Variants in MYOM2 observed in about 807,000 individuals in gnomAD.
MYOM2 encodes myomesin 2.
In MYOM2, 254 loss-of-function variants were observed where a neutral mutation model predicts 187.6. The observed-to-expected ratio is 1.35, with a 90% CI of 1.22 to 1.50. The LOEUF (loss-of-function observed/expected upper bound fraction) is 1.50, where lower values mean the gene tolerates loss of function less well. Among genes scored for constraint, MYOM2 ranks in the 40% most tolerant of loss-of-function variants. MYOM2 has a pLI of 0.00. For synonymous variants in MYOM2, 981 were observed against 753.8 expected (o/e 1.30, Z -4.94); for missense variants, 2,796 against 1,924.0 (o/e 1.45, Z -8.48).
chr8:2,144,554 G>T, intron 36 of MYOM2, 110 bp from the exon 37 acceptor site: 1 of 1,120,286 alleles, frequency 8.9e-7, no homozygotes. Context: ...ACAAACGATT[G>T]AAGGACCAAT....
chr8:2,070,032 T>C (rs1284193203), intron 8 of MYOM2, among the ~76,000 whole-genome samples: 1 of 152,188 alleles, frequency 6.6e-6, no homozygotes, highest in Non-Finnish European at 1.5e-5. Flanking sequence ...GGACCTGCCC[T>C]GGCCCTGTAA....
At chr8:2,127,346 T>A (rs1391387385) in intron 31 of MYOM2, among the ~76,000 whole-genome samples, 1 of 151,064 alleles carries the variant, frequency 6.6e-6, no homozygotes, top group Admixed American at 6.7e-5. Flanking sequence ...CCGGCCCAGA[T>A]GCAGGGACCC....
intron 18 of MYOM2, 56 bp from the exon 19 acceptor site, chr8:2,098,801 A>C: frequency 6.5e-7 from 1 of 1,531,860 alleles, no homozygotes; most frequent in Non-Finnish European, 8.9e-7. Flanking sequence ...CCTCCCCCTC[A>C]GTGGGCTGTA....
rs748149917 is a variant in MYOM2, at chr8:2,101,040, A to G, written c.2605A>G (p.Ser869Gly). Residue 869 changes from serine (S) to glycine (G), a missense_variant, in exon 20 of 37, where the codon AGC becomes GGC. Coordinates refer to ENST00000262113, the MANE Select transcript of MYOM2 (RefSeq NM_003970.4). Reference protein sequence around the residue: ...WITVNQTTTASRYLKVSDLQQ... With the variant: ...WITVNQTTTAGRYLKVSDLQQ... ...CACTGTCAATCAGACGACAACAGCC[A>G]GCCGTTATTTAAAGGTAAGTCTTGG... 1 of 1,614,150 alleles carries G rather than the reference A, an allele frequency of 6.2e-7. No individual in the cohort carries two copies. Among genetic ancestry groups the G allele is most frequent in the South Asian group, 1.1e-5 (1 of 91,080 alleles).
intron 31 of MYOM2, among the ~76,000 whole-genome samples, chr8:2,126,265 G>A (rs1797631017): frequency 6.6e-6 from 1 of 152,180 alleles, no homozygotes; most frequent in South Asian, 2.1e-4. Flanking sequence ...TCAATAGGGA[G>A]CCTTTATTCT....
chr8:2,137,876 A>T (rs1051680055), intron 32 of MYOM2, among the ~76,000 whole-genome samples: 6 of 152,212 alleles, frequency 3.9e-5, no homozygotes, highest in African/African-American at 1.4e-4. Context: ...ATGTCCCTAC[A>T]GTGTGTCAGT....
intron 3 of MYOM2, among the ~76,000 whole-genome samples, chr8:2,055,013 A>AACCAAGTACCTGGATACTGGGGGG (rs1818612888): frequency 9.3e-5 from 3 of 32,336 alleles, no homozygotes; most frequent in South Asian, 4.7e-3. Context: ...GATACTGGGG[A>AACCAAGTACCTGGATACTGGGGGG]ACCAAGTACC....
At position 2,057,449 on chromosome 8, in the gene MYOM2, C is replaced by A. The variant is rs1033302890; in HGVS notation, c.365C>A (p.Ala122Asp). 1 of 1,614,034 alleles carries A rather than the reference C, an allele frequency of 6.2e-7. No homozygotes were observed. ...EEDVHLARSQ[A>D]RDKLDKYAIQ... The stretch of plus-strand genomic sequence containing the variant: ...GATGTCCACCTGGCACGCTCCCAGG[C>A]CCGCGACAAGCTGGACAAATACGCC... Residue 122 changes from alanine (A) to aspartate (D), a missense_variant, in exon 4 of 37, where the codon GCC becomes GAC. Ala to Asp is a moderately radical substitution (Grantham distance 126). Transcript: ENST00000262113.
chr8:2,054,033 G>C (rs911563505), intron 3 of MYOM2, among the ~76,000 whole-genome samples: 1 of 152,158 alleles, frequency 6.6e-6, no homozygotes, highest in African/African-American at 2.4e-5. Flanking sequence ...AGGGATGAGT[G>C]AGCCCCGTGC....
intron 8 of MYOM2, among the ~76,000 whole-genome samples, chr8:2,070,495 C>T (rs931537955): frequency 1.3e-5 from 2 of 152,098 alleles, no homozygotes; most frequent in African/African-American, 4.8e-5. Flanking sequence ...CTGGGGAGCC[C>T]GGGAGATCTG....
Position 2,069,060 on chromosome 8 carries a change from C to G in MYOM2, c.654-218C>G, listed in dbSNP as rs1039345364. Among the ~76,000 whole-genome samples, 18 of 152,334 alleles carry G rather than the reference C, an allele frequency of 1.2e-4. 1 individual carries two copies. In the South Asian group the frequency reaches 3.5e-3, roughly 30 times the overall value. ...TTTTATTCTTAAGGCCGAAACTGCA[C>G]CATCTTCTGGGATCAGGCCTTCATC... On this transcript the variant is annotated intron_variant, in intron 6 of 36. Transcript: ENST00000262113.
chr8:2,122,475 G>T (rs955830471), intron 28 of MYOM2, among the ~76,000 whole-genome samples: 1 of 152,224 alleles, frequency 6.6e-6, no homozygotes, highest in African/African-American at 2.4e-5. Flanking sequence ...TAGCGGATGT[G>T]GAAATTCTAA....
intron 12 of MYOM2, among the ~76,000 whole-genome samples, 173 bp downstream of exon 12, chr8:2,079,106 G>A (rs1269367697): frequency 6.6e-6 from 1 of 152,168 alleles, no homozygotes; most frequent in African/African-American, 2.4e-5. Flanking sequence ...CATCACTACA[G>A]GAATGAAAAC....
At chr8:2,091,844 C>T (rs188259100) in intron 15 of MYOM2, among the ~76,000 whole-genome samples, 5 of 152,236 alleles carry the variant, frequency 3.3e-5, no homozygotes, top group African/African-American at 7.2e-5. Context: ...CACAGGTGGC[C>T]CCAAGGCCTT....
At chr8:2,143,486 G>A in intron 36 of MYOM2, 30 bp downstream of exon 36, 1 of 1,613,912 alleles carries the variant, frequency 6.2e-7, no homozygotes, top group Non-Finnish European at 8.5e-7. Flanking sequence ...CCGGGGTGGG[G>A]GTGTCAGCAC....
intron 32 of MYOM2, among the ~76,000 whole-genome samples, chr8:2,135,340 A>G (rs1213652275): frequency 6.6e-6 from 1 of 152,160 alleles, no homozygotes; most frequent in East Asian, 1.9e-4. Flanking sequence ...GTGGTAAGCA[A>G]TTCATTTGCA....
In MYOM2 at chr8:2,052,188, G is replaced by A; in HGVS notation, c.138G>A (p.Lys46=). The part of the protein sequence containing the change: ...KRASTQASSQ[K]SLSQRSSSQR... Reference sequence around the variant, plus strand: ...CTTCCACCCAGGCATCTTCCCAGAAGTCCTTGAGTCAGCGGTCGTCTTCAC... The same window carrying A: ...CTTCCACCCAGGCATCTTCCCAGAAATCCTTGAGTCAGCGGTCGTCTTCAC... Residue 46 remains lysine (K), a synonymous_variant, in exon 3 of 37, where the codon AAG becomes AAA. Coordinates refer to ENST00000262113, the MANE Select transcript of MYOM2 (RefSeq NM_003970.4). 1 of 1,613,656 alleles carries A rather than the reference G, an allele frequency of 6.2e-7. No homozygotes were observed. Among genetic ancestry groups the A allele is most frequent in the Non-Finnish European group, 8.5e-7 (1 of 1,179,810 alleles).
chr8:2,108,864 C>T, intron 24 of MYOM2, 34 bp downstream of exon 24: 1 of 1,609,348 alleles, frequency 6.2e-7, no homozygotes, highest in Non-Finnish European at 8.5e-7. Context: ...CCTCTGCTTG[C>T]AGCTGCTGGC....
intron 28 of MYOM2, among the ~76,000 whole-genome samples, chr8:2,122,218 C>T (rs1203499329): frequency 2.0e-5 from 3 of 152,182 alleles, no homozygotes; most frequent in Non-Finnish European, 4.4e-5. Flanking sequence ...CTGCTAGAGT[C>T]GTGGAGCCTC....
Sources: allele counts gnomAD v4.1 joint callset (sites outside exome capture counted in the v4.1 genomes callset), GRCh38; gene constraint gnomAD v4.1.1; transcripts MANE v1.5; gene names NCBI Gene and HGNC (gene_info 2026-07-23, HGNC 2026-07-21).